GDA: variants seen among roughly 807,000 people sequenced by gnomAD.
GDA encodes guanine deaminase.
In GDA, 18 loss-of-function variants were observed where a neutral mutation model predicts 59.6. The observed-to-expected ratio is 0.30, with a 90% confidence interval of 0.21 to 0.45. The LOEUF is 0.45. Ranked by LOEUF, GDA falls within the 20% of genes least tolerant of loss-of-function variation. The probability of loss-of-function intolerance (pLI) is 1.00; values close to 1 mark genes in which losing one functional copy is unlikely to be tolerated. For missense variants in GDA, 427 were observed against 552.3 expected (o/e 0.77, Z 2.27); for synonymous variants, 201 against 201.1 (o/e 1.00, Z 0.00).
chr9:72,214,510 G>T (rs1218185557), intron 5 of GDA, among the ~76,000 whole-genome samples: 1 of 151,794 alleles, frequency 6.6e-6, no homozygotes, highest in Non-Finnish European at 1.5e-5. Context: ...TGGCTGGGCT[G>T]GTCTCGAACT....
intron 1 of GDA, among the ~76,000 whole-genome samples, chr9:72,163,360 C>T (rs1174545914): frequency 1.3e-5 from 2 of 152,026 alleles, no homozygotes; most frequent in Non-Finnish European, 2.9e-5. Flanking sequence ...CAGTATGTCC[C>T]ATGAACAAAG....
chr9:72,162,767 C>T (rs971105045), intron 1 of GDA, among the ~76,000 whole-genome samples: 5 of 152,014 alleles, frequency 3.3e-5, no homozygotes, highest in Admixed American at 2.6e-4. Context: ...ACGCCATTCT[C>T]CTGCCTCAGC....
chr9:72,227,847 C>T, intron 8 of GDA, 96 bp from the exon 9 acceptor site: 1 of 684,220 alleles, frequency 1.5e-6, no homozygotes, highest in South Asian at 1.7e-5. Context: ...AACAGCCAAG[C>T]TACAGCTTCG....
intron 11 of GDA, 130 bp downstream of exon 11, chr9:72,241,428 A>G (rs1197585081): frequency 1.4e-5 from 9 of 632,776 alleles, no homozygotes; most frequent in East Asian, 2.7e-5. Flanking sequence ...CTCATGTAAC[A>G]TACCCAGAAC....
At chr9:72,132,772 A>G (rs764337035) in intron 1 of GDA, among the ~76,000 whole-genome samples, 2 of 152,160 alleles carry the variant, frequency 1.3e-5, no homozygotes, top group Non-Finnish European at 2.9e-5. Context: ...CTACTCCAAC[A>G]CTAATCAGAA....
Position 72,216,811 on chromosome 9 carries a change from G to A in GDA, c.579-2668G>A, listed in dbSNP as rs564102134. On this transcript the variant is annotated intron_variant, in intron 5 of 13. Coordinates refer to ENST00000358399, the MANE Select transcript of GDA (RefSeq NM_004293.5). ...CTGCCTCAGCCTCCCAAGTAGCTGC[G>A]ACTACAGGCGCCCGCCACCACGCCC... Among the ~76,000 whole-genome samples the A allele has an allele frequency of 2.6e-4, 39 of 152,042 alleles. No individual in the cohort carries two copies. The East Asian group carries it at 7.2e-3, about 28-fold the overall frequency.
At position 72,250,562 on chromosome 9, in the gene GDA, G is replaced by C. The variant is rs1840580166; in HGVS notation, c.*2220G>C. On this transcript the variant is annotated 3_prime_UTR_variant, in exon 14 of 14. Transcript: ENST00000358399. ...TATGTGTTTTATTTCTCCAAGTGCG[G>C]TGTTCCTGAATGTTATGTATGCTTT... The C allele has an allele frequency of 4.1e-6, 6 of 1,456,476 alleles. No homozygotes were observed. Among genetic ancestry groups the C allele is most frequent in the Non-Finnish European group, 9.0e-7 (1 of 1,111,048 alleles). The allele number at this position is 1,456,476 out of a possible 1,614,324, so 90.2% of individuals were successfully genotyped here.
intron 7 of GDA, among the ~76,000 whole-genome samples, chr9:72,224,617 T>G (rs1271070352): frequency 1.3e-5 from 2 of 152,066 alleles, no homozygotes; most frequent in Non-Finnish European, 2.9e-5. Flanking sequence ...ATTTTCAAAC[T>G]CTTTTTTGGA....
At chr9:72,212,169 A>G (rs1378619047) in intron 4 of GDA, among the ~76,000 whole-genome samples, 1 of 152,132 alleles carries the variant, frequency 6.6e-6, no homozygotes, top group African/African-American at 2.4e-5. Context: ...CCTCACAGAT[A>G]ATATTGGCAT....
chr9:72,252,995 A>C (rs1338402897), downstream of GDA, among the ~76,000 whole-genome samples: 1 of 152,204 alleles, frequency 6.6e-6, no homozygotes, highest in Non-Finnish European at 1.5e-5. Context: ...TAATTTTATA[A>C]ATATTTTTAT....
At chr9:72,146,536 G>A (rs1233138438), upstream of GDA, among the ~76,000 whole-genome samples, 1 of 151,972 alleles carries the variant, frequency 6.6e-6, no homozygotes, top group African/African-American at 2.4e-5. Flanking sequence ...TGTTGCCCAC[G>A]CTGGAGTGCA....
chr9:72,148,300 GGTGTGTGTATGTGT>G (rs1446502865), upstream of GDA, among the ~76,000 whole-genome samples: 4 of 119,692 alleles, frequency 3.3e-5, no homozygotes, highest in African/African-American at 1.3e-4. Flanking sequence ...TTCTGTTATT[GGTGTGTGTATGTGT>G]GTGTGTGTGT....
intron 1 of GDA, among the ~76,000 whole-genome samples, chr9:72,153,322 G>T (rs1285378605): frequency 6.6e-6 from 1 of 151,976 alleles, no homozygotes; most frequent in East Asian, 1.9e-4. Context: ...TTCCAATTCT[G>T]TGAAGAAAGT....
Position 72,225,785 on chromosome 9 carries a change from G to A in GDA, c.822+1G>A. On this transcript the variant is annotated splice_donor_variant, in intron 8 of 13. Transcript: ENST00000358399. LOFTEE classifies it high-confidence loss of function. ...TAAAAACAATCTTTTGACAAATAAGGTAAGTTTTATATCATGACATAATCT... is the reference window on the plus strand; with the variant it reads ...TAAAAACAATCTTTTGACAAATAAGATAAGTTTTATATCATGACATAATCT... 1 of 1,184,446 alleles carries A rather than the reference G, an allele frequency of 8.4e-7. No individual in the cohort carries two copies. The highest frequency in any genetic ancestry group is 1.2e-6 in the Non-Finnish European group (1 of 807,724). The allele number at this position is 1,184,446 out of a possible 1,614,324, so 73.4% of individuals were successfully genotyped here.
At chr9:72,185,755 A>G (rs1309188111) in intron 1 of GDA, among the ~76,000 whole-genome samples, 1 of 152,170 alleles carries the variant, frequency 6.6e-6, no homozygotes, top group Non-Finnish European at 1.5e-5. Context: ...CAAATTTGCC[A>G]TCTGGTGTTT....
At chr9:72,241,544 A>T (rs1029881944) in intron 11 of GDA, among the ~76,000 whole-genome samples, 1 of 152,182 alleles carries the variant, frequency 6.6e-6, no homozygotes, top group Admixed American at 6.5e-5. Flanking sequence ...TAATTGTTTT[A>T]ATGGGTATTA....
At chr9:72,204,906 G>GT (rs1163266579) in intron 3 of GDA, among the ~76,000 whole-genome samples, 1 of 152,112 alleles carries the variant, frequency 6.6e-6, no homozygotes, top group Non-Finnish European at 1.5e-5. Flanking sequence ...GAAGTCAGGA[G>GT]TTTGAGACCA....
Position 72,245,257 on chromosome 9 carries a change from C to CT in GDA, c.1251dup (p.Gly418TrpfsTer2). Reference sequence around the variant, plus strand: ...CTCCCATTGACCTGTTTTATGGGGACTTTTTTGGTGATATTTCTGAGGTAA... The same window carrying CT: ...CTCCCATTGACCTGTTTTATGGGGACTTTTTTTGGTGATATTTCTGAGGTAA... On this transcript the variant is annotated frameshift_variant, in exon 12 of 14. Coordinates refer to ENST00000358399, the MANE Select transcript of GDA (RefSeq NM_004293.5). LOFTEE classifies it high-confidence loss of function. 1 of 1,610,662 alleles carries CT rather than the reference C, an allele frequency of 6.2e-7. No homozygotes were observed. The highest frequency in any genetic ancestry group is 8.5e-7 in the Non-Finnish European group (1 of 1,177,028).
At chr9:72,174,044 C>T (rs1161833599) in intron 1 of GDA, among the ~76,000 whole-genome samples, 1 of 152,170 alleles carries the variant, frequency 6.6e-6, no homozygotes, top group Admixed American at 6.5e-5. Context: ...ACCATTGTTC[C>T]ATTAATTGTT....
Sources: gnomAD v4.1 joint callset for allele counts (sites outside exome capture counted in the v4.1 genomes callset) on GRCh38, gnomAD v4.1.1 for gene constraint, MANE v1.5 for transcripts, NCBI Gene and HGNC (gene_info 2026-07-23, HGNC 2026-07-21) for gene names.